Variants in TENM2 observed in about 807,000 individuals in gnomAD.
TENM2 encodes the protein teneurin transmembrane protein 2.
A neutral mutation model predicts 245.2 loss-of-function variants in TENM2; 52 were observed. That is an observed-to-expected ratio of 0.21 (90% CI 0.17 to 0.27). TENM2 has a LOEUF of 0.27. Among genes scored for constraint, TENM2 ranks in the 10% least tolerant of loss-of-function variants. TENM2 has a pLI of 1.00. For synonymous variants in TENM2, 1,363 were observed against 1,438.9 expected (o/e 0.95, Z 1.19); for missense variants, 3,046 against 3,666.8 (o/e 0.83, Z 4.37).
chr5:168,182,979 C>A (rs1003795881), intron 13 of TENM2, among the ~76,000 whole-genome samples: 2 of 152,062 alleles, frequency 1.3e-5, no homozygotes. Flanking sequence ...CACAAGTGCG[C>A]GCCACCATGC....
At chr5:167,704,107 C>G (rs1401590953) in intron 2 of TENM2, among the ~76,000 whole-genome samples, 1 of 152,166 alleles carries the variant, frequency 6.6e-6, no homozygotes. Flanking sequence ...GGCCGTGGTA[C>G]AAGCCTATGT....
In TENM2 at chr5:168,236,825, T is replaced by G. The variant is rs1395014048; in HGVS notation, c.5521-7595T>G. Among the ~76,000 whole-genome samples the G allele has an allele frequency of 2.0e-5, 3 of 148,786 alleles. No individual in the cohort carries two copies. The East Asian group carries it at 6.0e-4, about 30-fold the overall frequency. ...ATTTTCCACTGACATAATGAAAATC[T>G]GCTCCCTCCCACGTTTGCCTATGAA... On this transcript the variant is annotated intron_variant, in intron 25 of 28. Transcript: ENST00000518659.
the TENM2 span, among the ~76,000 whole-genome samples, chr5:167,077,888 G>T: frequency 6.6e-6 from 1 of 152,146 alleles, no homozygotes; most frequent in Non-Finnish European, 1.5e-5. Context: ...AGGCAAAGTA[G>T]TCCAGAGGTG....
intron 6 of TENM2, among the ~76,000 whole-genome samples, chr5:168,047,981 A>C (rs1386234114): frequency 6.6e-6 from 1 of 152,232 alleles, no homozygotes; most frequent in African/African-American, 2.4e-5. Context: ...TCCCTCTCCC[A>C]GGAGACATGC....
At chr5:167,984,819 C>T (rs896078955) in intron 4 of TENM2, among the ~76,000 whole-genome samples, 2 of 152,040 alleles carry the variant, frequency 1.3e-5, no homozygotes, top group Non-Finnish European at 2.9e-5. Flanking sequence ...CTTTTTTCAC[C>T]TCATCCTCTA....
chr5:167,057,298 G>A, the TENM2 span, among the ~76,000 whole-genome samples: 2 of 151,874 alleles, frequency 1.3e-5, no homozygotes, highest in African/African-American at 4.8e-5. Context: ...AAAACTTTTT[G>A]GTCTGATTAT....
intron 2 of TENM2, among the ~76,000 whole-genome samples, chr5:167,864,465 A>T (rs905776030): frequency 2.0e-5 from 3 of 152,202 alleles, no homozygotes; most frequent in Admixed American, 2.0e-4. Context: ...GTACATTTAA[A>T]ACTAGTGAAG....
intron 2 of TENM2, among the ~76,000 whole-genome samples, chr5:167,426,546 CAAA>C (rs59491444): frequency 2.0e-5 from 2 of 102,244 alleles, no homozygotes. Context: ...CTTGCCTTTA[CAAA>C]AAAAAAAAAA....
chr5:168,148,177 A>G (rs1756280312), intron 12 of TENM2, among the ~76,000 whole-genome samples: 1 of 152,200 alleles, frequency 6.6e-6, no homozygotes, highest in Non-Finnish European at 1.5e-5. Flanking sequence ...CCATTTAGCT[A>G]GAATGTGACT....
intron 1 of TENM2, among the ~76,000 whole-genome samples, chr5:167,368,022 G>A (rs913093661): frequency 6.6e-6 from 1 of 151,884 alleles, no homozygotes; most frequent in African/African-American, 2.4e-5. Context: ...CAAGAAAAAT[G>A]ACCCATGTTT....
chr5:168,202,292 T>C (rs147141669), intron 17 of TENM2, among the ~76,000 whole-genome samples: 9 of 152,270 alleles, frequency 5.9e-5, no homozygotes, highest in African/African-American at 2.2e-4. Flanking sequence ...TAGTTTTCAA[T>C]ATAATGAGTT....
chr5:168,089,992 A>G (rs1389748159), intron 7 of TENM2, among the ~76,000 whole-genome samples: 1 of 152,190 alleles, frequency 6.6e-6, no homozygotes, highest in African/African-American at 2.4e-5. Context: ...CTCAGGCTCC[A>G]TAGCCCTCAT....
intron 3 of TENM2, among the ~76,000 whole-genome samples, chr5:167,889,904 T>A (rs1774610214): frequency 6.6e-6 from 1 of 152,146 alleles, no homozygotes; most frequent in East Asian, 1.9e-4. Flanking sequence ...GGGGAAAAAG[T>A]CATATTACAC....
chr5:167,326,328 T>C (rs1284977775), intron 1 of TENM2, among the ~76,000 whole-genome samples: 6 of 152,136 alleles, frequency 3.9e-5, no homozygotes, highest in Non-Finnish European at 8.8e-5. Context: ...ACTTTGTTAT[T>C]AAATTTCTGG....
intron 2 of TENM2, among the ~76,000 whole-genome samples, chr5:167,393,004 C>T (rs1359781626): frequency 6.6e-6 from 1 of 151,814 alleles, no homozygotes; most frequent in Non-Finnish European, 1.5e-5. Context: ...CACCTGTAAT[C>T]CCAGCTACTC....
chr5:167,884,509 G>C (rs1774129271), intron 3 of TENM2, among the ~76,000 whole-genome samples: 1 of 152,148 alleles, frequency 6.6e-6, no homozygotes, highest in South Asian at 2.1e-4. Context: ...TTGTCCTTTT[G>C]TGATGGATTT....
rs756827426 is a variant in TENM2, at chr5:167,375,480, C to G, written c.502+7C>G. 5.2e-6 allele frequency: 8 copies of G among 1,551,376 alleles called. No homozygotes were observed. The highest frequency in any genetic ancestry group is 7.0e-6 in the Non-Finnish European group (8 of 1,146,864). On this transcript the variant is annotated splice_region_variant and intron_variant, in intron 2 of 28. Coordinates refer to ENST00000518659, the Ensembl canonical transcript of TENM2. Reference sequence around the variant, plus strand: ...AAATCAGATGATGAGAACGGTAGGCCTGCTTCTTAAATACCTTTTAACGTT... The same window carrying G: ...AAATCAGATGATGAGAACGGTAGGCGTGCTTCTTAAATACCTTTTAACGTT...
Position 167,494,490 on chromosome 5 carries a change from A to T in TENM2, c.502+119017A>T, listed in dbSNP as rs182551998. Reference sequence around the variant, plus strand: ...TGTTTCAATACTTATGCGTGATATTATAGAATTGCTTGCTCATTCGTCCAT... The same window carrying T: ...TGTTTCAATACTTATGCGTGATATTTTAGAATTGCTTGCTCATTCGTCCAT... On this transcript the variant is annotated intron_variant, in intron 2 of 28. Coordinates refer to ENST00000518659, the Ensembl canonical transcript of TENM2. Among the ~76,000 whole-genome samples the T allele has an allele frequency of 6.9e-4, 105 of 152,244 alleles. 1 individual carries two copies. Among genetic ancestry groups the T allele is most frequent in the Non-Finnish European group, 6.9e-4 (47 of 67,982 alleles).
At chr5:167,360,836 C>T (rs925328042) in intron 1 of TENM2, among the ~76,000 whole-genome samples, 9 of 152,052 alleles carry the variant, frequency 5.9e-5, no homozygotes, top group African/African-American at 9.7e-5. Flanking sequence ...AATTAGAGTG[C>T]GTACTATCAA....
Sources: gnomAD v4.1 joint callset for allele counts (sites outside exome capture counted in the v4.1 genomes callset) on GRCh38, gnomAD v4.1.1 for gene constraint, MANE v1.5 for transcripts, NCBI Gene and HGNC (gene_info 2026-07-23, HGNC 2026-07-21) for gene names.